Variants in ARFGEF3 observed in about 807,000 individuals in gnomAD.
ARFGEF3 encodes the protein brefeldin A-inhibited guanine nucleotide-exchange protein 3.
Under a neutral mutation model 221.7 loss-of-function variants are expected in ARFGEF3, and 96 were observed. The observed-to-expected ratio is 0.43, with a 90% CI of 0.37 to 0.51. The LOEUF is 0.51. ARFGEF3 is among the 20% of genes least tolerant of loss of function. The pLI, the probability that ARFGEF3 is intolerant of heterozygous loss-of-function variation, is 0.00. For synonymous variants in ARFGEF3, 1,145 were observed against 1,126.8 expected (o/e 1.02, Z -0.32); for missense variants, 2,410 against 2,789.9 (o/e 0.86, Z 3.07).
At chr6:138,186,260 A>T (rs1337381910) in intron 2 of ARFGEF3, among the ~76,000 whole-genome samples, 1 of 152,196 alleles carries the variant, frequency 6.6e-6, no homozygotes, top group Non-Finnish European at 1.5e-5. Flanking sequence ...TTACAAATAC[A>T]TTCAGTGGTC....
chr6:138,292,966 G>T (rs577336749), intron 19 of ARFGEF3, among the ~76,000 whole-genome samples: 23 of 152,248 alleles, frequency 1.5e-4, no homozygotes, highest in African/African-American at 4.1e-4. Context: ...GAGGAGAAAT[G>T]GTCAATAGGA....
rs957279482 is a variant in ARFGEF3 at position 138,337,637 on chromosome 6, A to G, written c.*1151A>G. On this transcript the variant is annotated 3_prime_UTR_variant, in exon 34 of 34. Transcript: ENST00000251691. ...GGAGAAAGACACTGAAATTTAGAAA[A>G]TTTTGTCGATTTAAAATATTTCTCC... 1 of 152,168 alleles carries G rather than the reference A, an allele frequency of 6.6e-6. No individual in the cohort carries two copies. Among genetic ancestry groups the G allele is most frequent in the African/African-American group, 2.4e-5 (1 of 41,418 alleles). 9.4% of individuals were successfully genotyped at this position (152,168 alleles called of 1,614,324 possible).
intron 2 of ARFGEF3, among the ~76,000 whole-genome samples, chr6:138,187,101 G>C (rs1777205151): frequency 1.3e-5 from 2 of 151,892 alleles, no homozygotes; most frequent in Admixed American, 1.3e-4. Context: ...TTTTCGTAGA[G>C]ATAGGGTTTC....
rs942838550 is a variant in ARFGEF3, at chr6:138,341,450, CAG to C, written c.*4967_*4968del. The C allele has an allele frequency of 1.5e-4, 23 of 154,904 alleles. No individual in the cohort carries two copies. Among genetic ancestry groups the C allele is most frequent in the Admixed American group, 1.2e-3 (18 of 15,302 alleles). The allele number at this position is 154,904 out of a possible 1,614,324, so 9.6% of individuals were successfully genotyped here. A position where few individuals can be genotyped will look rare whatever the true frequency, so the allele number is the denominator to read the frequency against. ...CAAGGTAACAGGCAGAAGGAAAATC[CAG>C]AGTCTTGCAGTAAGCAGATGACAAA... is the stretch of plus-strand genomic sequence containing the variant. On this transcript the variant is annotated 3_prime_UTR_variant, in exon 34 of 34. Transcript: ENST00000251691.
chr6:138,169,472 C>T (rs7749388), intron 1 of ARFGEF3, among the ~76,000 whole-genome samples: 15 of 152,318 alleles, frequency 9.8e-5, no homozygotes, highest in Admixed American at 3.9e-4. Flanking sequence ...CTCTGTCCTG[C>T]GGGAAAACCA....
intron 17 of ARFGEF3, among the ~76,000 whole-genome samples, chr6:138,288,574 A>G (rs1488318846): frequency 6.6e-6 from 1 of 152,094 alleles, no homozygotes; most frequent in Admixed American, 6.5e-5. Flanking sequence ...CTGTAATCCC[A>G]GCTACTTCAG....
At chr6:138,165,796 C>A (rs1776713216) in intron 1 of ARFGEF3, among the ~76,000 whole-genome samples, 1 of 152,236 alleles carries the variant, frequency 6.6e-6, no homozygotes, top group Non-Finnish European at 1.5e-5. Flanking sequence ...AGAGAGGCAT[C>A]ATTCCTCACT....
At chr6:138,292,591 T>C (rs1779432601) in intron 19 of ARFGEF3, among the ~76,000 whole-genome samples, 1 of 152,236 alleles carries the variant, frequency 6.6e-6, no homozygotes, top group African/African-American at 2.4e-5. Context: ...AAAGTGCTTT[T>C]GGTCACCAAT....
At chr6:138,283,006 G>A (rs1045031190) in intron 14 of ARFGEF3, among the ~76,000 whole-genome samples, 3 of 151,962 alleles carry the variant, frequency 2.0e-5, no homozygotes, top group Non-Finnish European at 2.9e-5. Flanking sequence ...AGCTGAGATC[G>A]CGTCACTGCA....
At chr6:138,217,485 AC>A (rs1453322240) in intron 4 of ARFGEF3, 1 of 152,748 alleles carries the variant, frequency 6.5e-6, no homozygotes, top group Admixed American at 6.5e-5. Flanking sequence ...ATATATAAAT[AC>A]ACTAGTCCCC....
chr6:138,298,818 G>A (rs1422444185), intron 22 of ARFGEF3, 33 bp downstream of exon 22: 1 of 1,566,918 alleles, frequency 6.4e-7, no homozygotes, highest in Admixed American at 1.7e-5. Flanking sequence ...CGTCATAGCT[G>A]GCTCTTACTG....
intron 2 of ARFGEF3, among the ~76,000 whole-genome samples, chr6:138,204,488 G>A (rs1375601851): frequency 2.0e-5 from 3 of 151,864 alleles, no homozygotes; most frequent in African/African-American, 7.3e-5. Flanking sequence ...TGTAAATAAA[G>A]TTTTATTAGA....
chr6:138,260,415 C>T (rs1778769479), intron 10 of ARFGEF3, among the ~76,000 whole-genome samples: 1 of 152,164 alleles, frequency 6.6e-6, no homozygotes, highest in Non-Finnish European at 1.5e-5. Flanking sequence ...ACCTTCTTTC[C>T]TTGAATCAAT....
In ARFGEF3 at chr6:138,269,334, G is replaced by A. The variant is rs1045742539; in HGVS notation, c.2128+5723G>A. ...ACACAACCAGGAAGGCATTTATGCC[G>A]TTACCAGCCTCAGTTTTTGGCTCTG... On this transcript the variant is annotated intron_variant, in intron 12 of 33. Transcript: ENST00000251691. Among the ~76,000 whole-genome samples, 8 of 152,356 alleles carry A rather than the reference G, an allele frequency of 5.3e-5. No individual in the cohort carries two copies. In the East Asian group the frequency reaches 9.6e-4, roughly 18 times the overall value.
intron 12 of ARFGEF3, among the ~76,000 whole-genome samples, chr6:138,274,597 G>A (rs926881336): frequency 6.6e-6 from 1 of 151,256 alleles, no homozygotes; most frequent in Non-Finnish European, 1.5e-5. Flanking sequence ...TCAGGAGTTC[G>A]AGACCAGACT....
At chr6:138,253,817 C>A in intron 8 of ARFGEF3, 63 bp from the exon 9 acceptor site, 1 of 1,306,656 alleles carries the variant, frequency 7.7e-7, no homozygotes, top group Non-Finnish European at 1.1e-6. Context: ...TGTTTCCACA[C>A]ATCACCTCTT....
intron 2 of ARFGEF3, among the ~76,000 whole-genome samples, chr6:138,171,645 A>G (rs1048207721): frequency 2.6e-5 from 4 of 152,252 alleles, no homozygotes; most frequent in Admixed American, 6.5e-5. Context: ...GTCCATAACT[A>G]CATCACCTAA....
intron 2 of ARFGEF3, among the ~76,000 whole-genome samples, chr6:138,203,288 T>G (rs1417328779): frequency 6.6e-6 from 1 of 152,206 alleles, no homozygotes; most frequent in Non-Finnish European, 1.5e-5. Context: ...GAATTTGGGT[T>G]TGAGTTGTCT....
At chr6:138,221,104 G>A (rs1347864258) in intron 4 of ARFGEF3, among the ~76,000 whole-genome samples, 1 of 152,126 alleles carries the variant, frequency 6.6e-6, no homozygotes, top group Non-Finnish European at 1.5e-5. Context: ...GCTGCATCAG[G>A]TCCAGGTGGG....
Sources: gnomAD v4.1 joint callset for allele counts (sites outside exome capture counted in the v4.1 genomes callset) on GRCh38, gnomAD v4.1.1 for gene constraint, MANE v1.5 for transcripts, NCBI Gene and HGNC (gene_info 2026-07-23, HGNC 2026-07-21) for gene names.